The following TMPRSS11A variants were observed in gnomAD, a reference collection of about 807,000 sequenced individuals.
TMPRSS11A encodes the protein transmembrane serine protease 11A, also known as transmembrane protease serine 11A.
A neutral mutation model predicts 58.9 loss-of-function variants in TMPRSS11A; 53 were observed. That is an observed-to-expected ratio of 0.90 (90% confidence interval 0.72 to 1.13). The LOEUF is 1.13. Among genes scored for constraint, TMPRSS11A ranks in the 50% most tolerant of loss-of-function variants. TMPRSS11A has a pLI of 0.00. For missense variants in TMPRSS11A, 493 were observed against 499.3 expected, an observed-to-expected ratio of 0.99 and a Z score of 0.12; for synonymous variants, 167 against 169.8, an observed-to-expected ratio of 0.98 and a Z score of 0.13.
chr4:67,914,767 C>T (rs1720103057), intron 8 of TMPRSS11A, 37 bp from the exon 9 acceptor site: 5 of 1,584,310 alleles, frequency 3.2e-6, no homozygotes, highest in Non-Finnish European at 4.3e-6. Flanking sequence ...TATTTACAAT[C>T]AGCATCTTTG....
intron 5 of TMPRSS11A, among the ~76,000 whole-genome samples, chr4:67,928,608 C>A (rs1720532429): frequency 1.3e-5 from 2 of 152,238 alleles, no homozygotes; most frequent in African/African-American, 4.8e-5. Flanking sequence ...TATTCATTTG[C>A]TTCCCCATCT....
Position 67,946,563 on chromosome 4 carries a change from C to A in TMPRSS11A, c.20G>T (p.Gly7Val), listed in dbSNP as rs1214965917. The change falls in exon 2 of 10, where the codon GGA becomes GTA. Residue 7 changes from glycine to valine, a missense_variant. Physicochemically the swap from Gly to Val is moderately radical, Grantham distance 109. Coordinates refer to ENST00000508048, the MANE Select transcript of TMPRSS11A (RefSeq NM_001114387.2). ...CAGATTTCTGCTTCGGGTGCCAAAT[C>A]CCACTGTCCTGAGAAAAGGAAGGGC... is the stretch of plus-strand genomic sequence containing the variant. MMYRTV[G>V]FGTRSRNLKP... The A allele has an allele frequency of 2.5e-6, 4 of 1,611,380 alleles. No individual in the cohort carries two copies. Among genetic ancestry groups the A allele is most frequent in the Non-Finnish European group, 3.4e-6 (4 of 1,178,818 alleles).
chr4:67,957,952 A>G (rs1721327150), intron 1 of TMPRSS11A, among the ~76,000 whole-genome samples: 1 of 152,164 alleles, frequency 6.6e-6, no homozygotes, highest in African/African-American at 2.4e-5. Flanking sequence ...AGCTTGGGTC[A>G]TGGCTTCAGA....
At chr4:67,952,917 T>G (rs535641585) in intron 1 of TMPRSS11A, among the ~76,000 whole-genome samples, 1 of 152,136 alleles carries the variant, frequency 6.6e-6, no homozygotes, top group African/African-American at 2.4e-5. Context: ...AAAAATGGTT[T>G]AAATCAGCAG....
Position 67,919,222 on chromosome 4 carries a change from G to A in TMPRSS11A, c.703C>T (p.Pro235Ser). 1 of 1,613,710 alleles carries A rather than the reference G, an allele frequency of 6.2e-7. No individual in the cohort carries two copies. The highest frequency in any genetic ancestry group is 8.5e-7 in the Non-Finnish European group (1 of 1,179,748). ...CCAAAACTAACAGTCCATTGATGTG[G>A]ATTTTTATACCTGGAAAAGGTTAGA... ...AAHCFQKYKN[P>S]HQWTVSFGTK... The change falls in exon 8 of 10, where the codon CCA becomes TCA. Residue 235 changes from proline (P) to serine (S), a missense_variant. By Grantham distance (74) the Pro-to-Ser change is moderately conservative (BLOSUM62 -1). Transcript: ENST00000508048.
chr4:67,939,455 A>G (rs1014430975), intron 3 of TMPRSS11A, among the ~76,000 whole-genome samples: 9 of 152,060 alleles, frequency 5.9e-5, no homozygotes, highest in African/African-American at 2.2e-4. Context: ...TACTATGTTG[A>G]ATAGGAGTAG....
At chr4:67,923,048 A>C in intron 6 of TMPRSS11A, 122 bp from the exon 7 acceptor site, 1 of 804,644 alleles carries the variant, frequency 1.2e-6, no homozygotes, top group Non-Finnish European at 2.0e-6. Flanking sequence ...CACTTACCCC[A>C]CCTGTCACTG....
chr4:67,922,871 A>C lies in TMPRSS11A; in HGVS notation c.576T>G (p.Ile192Met), dbSNP rs1720367103. 6.2e-7 allele frequency: 1 copy of C among 1,614,048 alleles called. No homozygotes were observed. Among genetic ancestry groups the C allele is most frequent in the Non-Finnish European group, 8.5e-7 (1 of 1,180,036 alleles). The change falls in exon 7 of 10, where the codon ATT becomes ATG. Residue 192 changes from isoleucine (I) to methionine (M), a missense_variant. Transcript: ENST00000508048. ...GCCAAGGCCAGGCCGCCTTGGGTGC[A>C]ATGACTCCAGATGCTATTCTGTTGA... ...LNVNRIASGVIAPKAAWPWQA... is the reference protein window; with the variant it reads ...LNVNRIASGVMAPKAAWPWQA...
rs1721418705 is a variant in TMPRSS11A, at chr4:67,961,482, C to CTTTTTTTTTTTTTTTTTTTTTTTTTT, written c.11+1900_11+1901insAAAAAAAAAAAAAAAAAAAAAAAAAA. Among the ~76,000 whole-genome samples, 2 of 102,454 alleles carry CTTTTTTTTTTTTTTTTTTTTTTTTTT rather than the reference C, an allele frequency of 2.0e-5. 1 individual carries two copies. Among genetic ancestry groups the CTTTTTTTTTTTTTTTTTTTTTTTTTT allele is most frequent in the African/African-American group, 9.5e-5 (2 of 20,958 alleles). The allele number at this position is 102,454 out of a possible 152,430, so 67.2% of individuals were successfully genotyped here. ...CTTTTCTTTCCTTTCCTTTTCTTTT[C>CTTTTTTTTTTTTTTTTTTTTTTTTTT]CTTTTTTTTTTTTTTTTTTTTTTTT... On this transcript the variant is annotated intron_variant, in intron 1 of 9. Coordinates refer to ENST00000508048, the MANE Select transcript of TMPRSS11A (RefSeq NM_001114387.2).
chr4:67,959,209 C>T (rs1721364627), intron 1 of TMPRSS11A, among the ~76,000 whole-genome samples: 1 of 152,172 alleles, frequency 6.6e-6, no homozygotes, highest in Admixed American at 6.5e-5. Context: ...TGACTATAGA[C>T]AGAACACTAT....
At chr4:67,914,797 A>C (rs1720104230) in intron 8 of TMPRSS11A, 67 bp from the exon 9 acceptor site, 1 of 1,310,776 alleles carries the variant, frequency 7.6e-7, no homozygotes, top group Non-Finnish European at 1.1e-6. Context: ...AAGTGAGCAG[A>C]CTTTCCTAAT....
intron 8 of TMPRSS11A, among the ~76,000 whole-genome samples, chr4:67,917,155 C>G (rs1000001551): frequency 1.1e-4 from 17 of 150,892 alleles, no homozygotes; most frequent in African/African-American, 3.9e-4. Flanking sequence ...TTATTTCCTT[C>G]CTTATGTTTG....
At position 67,930,050 on chromosome 4, in the gene TMPRSS11A, A is replaced by G; in HGVS notation, c.321-10T>C. On this transcript the variant is annotated splice_polypyrimidine_tract_variant and intron_variant, in intron 4 of 9. Coordinates refer to ENST00000508048, the MANE Select transcript of TMPRSS11A (RefSeq NM_001114387.2). ...ACCATCTTCCTCTGGACTGTGACAC[A>G]CAAAAGAAAGGTACATTTTCAAAGA... 1 of 1,599,336 alleles carries G rather than the reference A, an allele frequency of 6.3e-7. No individual in the cohort carries two copies. The highest frequency in any genetic ancestry group is 8.5e-7 in the Non-Finnish European group (1 of 1,170,452).
At chr4:67,914,827 T>G (rs1720105721) in intron 8 of TMPRSS11A, 97 bp from the exon 9 acceptor site, 7 of 1,062,610 alleles carry the variant, frequency 6.6e-6, no homozygotes, top group Non-Finnish European at 8.2e-6. Flanking sequence ...ATGGTAAAAT[T>G]GTCAATACAG....
At chr4:67,927,091 C>A (rs1186841195) in intron 5 of TMPRSS11A, among the ~76,000 whole-genome samples, 18 of 152,186 alleles carry the variant, frequency 1.2e-4, no homozygotes, top group Admixed American at 1.2e-3. Context: ...GTAAACCTTT[C>A]TTCGTCTTGC....
intron 5 of TMPRSS11A, among the ~76,000 whole-genome samples, chr4:67,929,267 C>G (rs1720549205): frequency 6.6e-6 from 1 of 151,916 alleles, no homozygotes; most frequent in Non-Finnish European, 1.5e-5. Flanking sequence ...GGTTTGTTCT[C>G]CTTAATTGAG....
intron 3 of TMPRSS11A, among the ~76,000 whole-genome samples, chr4:67,938,205 T>C (rs1236039108): frequency 6.6e-6 from 1 of 152,214 alleles, no homozygotes. Context: ...ATGTCTTCTT[T>C]TGTGAAGCAT....
intron 4 of TMPRSS11A, among the ~76,000 whole-genome samples, chr4:67,930,517 T>C (rs1000782092): frequency 2.6e-5 from 4 of 152,074 alleles, no homozygotes; most frequent in African/African-American, 9.7e-5. Flanking sequence ...GAAATATGTC[T>C]CCCTATATCT....
At chr4:67,938,890 G>C (rs1311182953) in intron 3 of TMPRSS11A, among the ~76,000 whole-genome samples, 1 of 146,700 alleles carries the variant, frequency 6.8e-6, no homozygotes, top group Non-Finnish European at 1.5e-5. Context: ...TTGGCTATTG[G>C]GGCTTTTTTT....
Sources: gnomAD v4.1 joint callset for allele counts (sites outside exome capture counted in the v4.1 genomes callset) on GRCh38, gnomAD v4.1.1 for gene constraint, MANE v1.5 for transcripts, NCBI Gene and HGNC (gene_info 2026-07-23, HGNC 2026-07-21) for gene names.